VWDE: variants seen among roughly 807,000 people sequenced by gnomAD.
The protein encoded by VWDE is von Willebrand factor D and EGF domains.
Under a neutral mutation model 178.4 loss-of-function variants are expected in VWDE, and 207 were observed. The observed-to-expected ratio is 1.16, with a 90% CI of 1.04 to 1.30. VWDE has a LOEUF of 1.30. Ranked by LOEUF, VWDE falls within the 50% of genes most tolerant of loss-of-function variation. VWDE has a pLI of 0.00. For missense variants in VWDE, 2,287 were observed against 1,901.3 expected (o/e 1.20, Z -3.77); for synonymous variants, 738 against 651.4 (o/e 1.13, Z -2.02).
At chr7:12,339,870 T>G (rs111641001) in intron 24 of VWDE, among the ~76,000 whole-genome samples, 2,304 of 152,226 alleles carry the variant, frequency 0.015, 52 homozygotes, top group African/African-American at 0.052. Context: ...CATTTTTATG[T>G]CTCTGTATCT....
Position 12,389,359 on chromosome 7 carries a change from C to G in VWDE, c.244-1G>C. On this transcript the variant is annotated splice_acceptor_variant, in intron 2 of 28. Coordinates refer to ENST00000275358, the MANE Select transcript of VWDE (RefSeq NM_001135924.3). LOFTEE classifies it high-confidence loss of function. ...GGGCCTGAGTTCCACAATGGTTCAT[C>G]TTTTGCAGGAGAGAAAACAAAAGTT... The G allele has an allele frequency of 6.5e-7, 1 of 1,535,498 alleles. No homozygotes were observed. Among genetic ancestry groups the G allele is most frequent in the Non-Finnish European group, 8.8e-7 (1 of 1,133,968 alleles).
intron 19 of VWDE, among the ~76,000 whole-genome samples, chr7:12,346,320 C>G (rs756296572): frequency 2.6e-5 from 4 of 152,038 alleles, no homozygotes; most frequent in Non-Finnish European, 5.9e-5. Flanking sequence ...AGAATATTGT[C>G]AAGGATAGAG....
At chr7:12,390,350 C>G (rs1018338350) in intron 2 of VWDE, among the ~76,000 whole-genome samples, 14 of 151,938 alleles carry the variant, frequency 9.2e-5, no homozygotes, top group Non-Finnish European at 1.8e-4. Context: ...CACTCAACAT[C>G]CTTCTCTTTT....
Position 12,344,461 on chromosome 7 carries a change from T to C in VWDE, c.3895A>G (p.Lys1299Glu). 6.5e-7 allele frequency: 1 copy of C among 1,547,816 alleles called. No individual in the cohort carries two copies. Among genetic ancestry groups the C allele is most frequent in the Non-Finnish European group, 8.7e-7 (1 of 1,145,620 alleles). ...TCCCTACTTTTTCCACATGGATATT[T>C]ACAAATGGCTAAAAAAAAATCAAAG... ...PTSGNAFTIC[K>E]YPCGKSRECV... The change falls in exon 20 of 29, where the codon AAA becomes GAA. Residue 1299 changes from lysine (K) to glutamate (E), a missense_variant. Transcript: ENST00000275358.
intron 1 of VWDE, among the ~76,000 whole-genome samples, chr7:12,402,617 C>T (rs779158475): frequency 6.6e-6 from 1 of 151,942 alleles, no homozygotes; most frequent in Non-Finnish European, 1.5e-5. Flanking sequence ...CTGTAATGAA[C>T]AGATATATGT....
At chr7:12,387,863 A>G (rs560513484) in intron 3 of VWDE, among the ~76,000 whole-genome samples, 1 of 151,344 alleles carries the variant, frequency 6.6e-6, no homozygotes, top group African/African-American at 2.4e-5. Context: ...CCAGGTAACT[A>G]AATTGGGGTT....
intron 7 of VWDE, among the ~76,000 whole-genome samples, chr7:12,375,962 T>C (rs989630976): frequency 1.3e-5 from 2 of 152,132 alleles, no homozygotes; most frequent in African/African-American, 4.8e-5. Context: ...TATGCTATCA[T>C]ATCCAATTAA....
intron 28 of VWDE, among the ~76,000 whole-genome samples, chr7:12,332,953 G>C (rs1780806000): frequency 8.1e-6 from 1 of 123,082 alleles, no homozygotes; most frequent in African/African-American, 3.7e-5. Context: ...ATTTTTGAGA[G>C]GTTTGCTGCA....
chr7:12,369,991 A>G lies in VWDE; in HGVS notation c.2315T>C (p.Leu772Pro), dbSNP rs1195823134. Residue 772 changes from leucine (L) to proline (P), a missense_variant, in exon 12 of 29, where the codon CTG (leucine) becomes CCG (proline). By Grantham distance (98) the Leu-to-Pro change is moderately conservative. Coordinates refer to ENST00000275358, the MANE Select transcript of VWDE (RefSeq NM_001135924.3). ...TGGGAAAAAATAAGTAAGTTCTTCC[A>G]GATCCGTTTGGCTGAGACTCGGGAA... ...FAFPSLSQTDLEELTYFFPED... is the reference protein window; with the variant it reads ...FAFPSLSQTDPEELTYFFPED... 2.1e-5 allele frequency: 32 copies of G among 1,551,432 alleles called. No individual in the cohort carries two copies. In the South Asian group the frequency reaches 3.4e-4, roughly 17 times the overall value.
intron 23 of VWDE, among the ~76,000 whole-genome samples, chr7:12,341,664 T>G (rs1781339171): frequency 6.6e-6 from 1 of 151,428 alleles, no homozygotes; most frequent in South Asian, 2.1e-4. Context: ...CTGTGATAAA[T>G]AAATGGAATA....
chr7:12,391,043 A>G (rs946042444), intron 2 of VWDE, among the ~76,000 whole-genome samples: 2 of 152,214 alleles, frequency 1.3e-5, no homozygotes, highest in Non-Finnish European at 2.9e-5. Flanking sequence ...ATTTTCAAAA[A>G]TTATGAAAAT....
At chr7:12,357,172 T>C in intron 17 of VWDE, 93 bp downstream of exon 17, 2 of 1,436,920 alleles carry the variant, frequency 1.4e-6, no homozygotes, top group South Asian at 2.9e-5. Flanking sequence ...TGTTGCTCTT[T>C]ACAACTAGCA....
chr7:12,364,080 A>T (rs1782726489), intron 13 of VWDE, among the ~76,000 whole-genome samples: 1 of 152,048 alleles, frequency 6.6e-6, no homozygotes, highest in Non-Finnish European at 1.5e-5. Context: ...GCCAGTTTTC[A>T]CTTGTAAAGA....
chr7:12,330,963 A>G lies in VWDE; in HGVS notation c.*220T>C. Reference sequence around the variant, plus strand: ...AGATACATCATCTCAATATGTAAATATCCTATCCCATCTCAACATCAAATT... The same window carrying G: ...AGATACATCATCTCAATATGTAAATGTCCTATCCCATCTCAACATCAAATT... On this transcript the variant is annotated 3_prime_UTR_variant, in exon 29 of 29. Coordinates refer to ENST00000275358, the MANE Select transcript of VWDE (RefSeq NM_001135924.3). The G allele has an allele frequency of 2.1e-6, 1 of 485,250 alleles. No individual in the cohort carries two copies. The highest frequency in any genetic ancestry group is 5.5e-4 in the Middle Eastern group (1 of 1,816). 30.1% of individuals were successfully genotyped at this position (485,250 alleles called of 1,614,324 possible). A position where few individuals can be genotyped will look rare whatever the true frequency, so the allele number is the denominator to read the frequency against.
chr7:12,378,900 C>T (rs889572046), intron 6 of VWDE, among the ~76,000 whole-genome samples: 1 of 152,146 alleles, frequency 6.6e-6, no homozygotes, highest in Admixed American at 6.5e-5. Flanking sequence ...GTGGGTGAGA[C>T]CTTCCAGGTT....
chr7:12,357,562 A>G, intron 16 of VWDE, 47 bp from the exon 17 acceptor site: 2 of 1,540,814 alleles, frequency 1.3e-6, no homozygotes, highest in Non-Finnish European at 1.8e-6. Context: ...AGAAAAAGGA[A>G]TGAAGTGTAC....
intron 1 of VWDE, among the ~76,000 whole-genome samples, chr7:12,397,654 C>T (rs768538433): frequency 6.6e-6 from 1 of 151,990 alleles, no homozygotes; most frequent in Non-Finnish European, 1.5e-5. Flanking sequence ...AGAAAATATT[C>T]ACAAACTACG....
Position 12,377,915 on chromosome 7 carries a change from C to T in VWDE, c.885G>A (p.Gln295=), listed in dbSNP as rs1783631694. The T allele has an allele frequency of 7.1e-7, 1 of 1,416,404 alleles. No individual in the cohort carries two copies. The highest frequency in any genetic ancestry group is 2.8e-5 in the East Asian group (1 of 36,318). 87.7% of individuals were successfully genotyped at this position (1,416,404 alleles called of 1,614,324 possible). The part of the protein sequence containing the change: ...SQEFFAGFKL[Q]PELSTISEDG... ...CCTCTGATATAGTGCTCAATTCAGGCTGTAGCTGGTATAAGAAAATACGTA... is the reference window on the plus strand; with the variant it reads ...CCTCTGATATAGTGCTCAATTCAGGTTGTAGCTGGTATAAGAAAATACGTA... Residue 295 remains glutamine, a synonymous_variant, in exon 7 of 29, where the codon CAG becomes CAA. Transcript: ENST00000275358.
Position 12,367,446 on chromosome 7 carries a change from C to T in VWDE, c.2809G>A (p.Val937Ile), listed in dbSNP as rs1208401535. The T allele has an allele frequency of 1.7e-5, 26 of 1,545,632 alleles. No homozygotes were observed. In the East Asian group the frequency reaches 5.4e-4, roughly 32 times the overall value. Residue 937 changes from valine to isoleucine, a missense_variant, in exon 13 of 29, where the codon GTT becomes ATT. Coordinates refer to ENST00000275358, the MANE Select transcript of VWDE (RefSeq NM_001135924.3). ...ACCATCATACAATTATATTTTTGAACATCACAGAATCCAGCATTCCCAAGC... is the reference window on the plus strand; with the variant it reads ...ACCATCATACAATTATATTTTTGAATATCACAGAATCCAGCATTCCCAAGC... ...TELGNAGFCD[V>I]QKYNCMMVRV...
Sources: gnomAD v4.1 joint callset for allele counts (sites outside exome capture counted in the v4.1 genomes callset) on GRCh38, gnomAD v4.1.1 for gene constraint, MANE v1.5 for transcripts, NCBI Gene and HGNC (gene_info 2026-07-23, HGNC 2026-07-21) for gene names.